SCLT1: variants seen among roughly 807,000 people sequenced by gnomAD.
SCLT1 encodes sodium channel-associated protein 1.
A neutral mutation model predicts 112.8 loss-of-function variants in SCLT1; 78 were observed. The observed-to-expected ratio is 0.69, with a 90% CI of 0.58 to 0.83. The LOEUF (loss-of-function observed/expected upper bound fraction) is 0.83, where lower values mean the gene tolerates loss of function less well. SCLT1 is among the 40% of genes least tolerant of loss of function. The pLI is 0.00. For synonymous variants in SCLT1, 257 were observed against 254.7 expected, an observed-to-expected ratio of 1.01 and a Z score of -0.09; for missense variants, 747 against 770.4, an observed-to-expected ratio of 0.97 and a Z score of 0.36.
chr4:128,970,685 T>C (rs1425245231), intron 9 of SCLT1: 8 of 480,738 alleles, frequency 1.7e-5, no homozygotes, highest in Non-Finnish European at 2.6e-5. Context: ...GGGTATGAAG[T>C]AGAGGTCATG....
At chr4:128,953,080 T>G (rs1738900890) in intron 13 of SCLT1, among the ~76,000 whole-genome samples, 1 of 152,122 alleles carries the variant, frequency 6.6e-6, no homozygotes, top group Admixed American at 6.5e-5. Flanking sequence ...ATAGGATGCT[T>G]TTACCCACAA....
intron 18 of SCLT1, among the ~76,000 whole-genome samples, chr4:128,911,381 A>T (rs1306196453): frequency 6.6e-6 from 1 of 152,246 alleles, no homozygotes; most frequent in African/African-American, 2.4e-5. Flanking sequence ...CTAGTAAAAC[A>T]GCTTCTTCTT....
At chr4:128,912,360 T>C (rs1031363346) in intron 18 of SCLT1, among the ~76,000 whole-genome samples, 3 of 152,194 alleles carry the variant, frequency 2.0e-5, no homozygotes, top group African/African-American at 4.8e-5. Flanking sequence ...TGGATGCTAT[T>C]GTATGTCAAG....
chr4:128,874,544 T>TA (rs974519449), intron 4 of SCLT1: 1 of 151,406 alleles, frequency 6.6e-6, no homozygotes, highest in African/African-American at 2.4e-5. Context: ...CACACAAAAA[T>TA]AAAAAGCCCA....
At chr4:128,935,774 A>G (rs1254010620) in intron 18 of SCLT1, among the ~76,000 whole-genome samples, 1 of 151,966 alleles carries the variant, frequency 6.6e-6, no homozygotes, top group Admixed American at 6.5e-5. Flanking sequence ...TAAACTTTAC[A>G]TTTTGGAACT....
At chr4:128,985,691 G>T (rs1282422669) in intron 9 of SCLT1, among the ~76,000 whole-genome samples, 1 of 152,090 alleles carries the variant, frequency 6.6e-6, no homozygotes, top group Non-Finnish European at 1.5e-5. Context: ...TACAAGTAAA[G>T]AAATCTTTTC....
At chr4:128,965,403 C>T (rs1467679432) in intron 10 of SCLT1, 85 bp from the exon 11 acceptor site, 1 of 826,828 alleles carries the variant, frequency 1.2e-6, no homozygotes, top group Non-Finnish European at 2.0e-6. Context: ...ACAGCTCATG[C>T]TATAAAGTTA....
chr4:128,895,512 C>T (rs1424782106), intron 18 of SCLT1, among the ~76,000 whole-genome samples: 1 of 152,166 alleles, frequency 6.6e-6, no homozygotes, highest in Non-Finnish European at 1.5e-5. Context: ...TCGGATTTCC[C>T]ATTACAATTC....
intron 2 of SCLT1, among the ~76,000 whole-genome samples, chr4:129,071,120 T>G (rs1409178810): frequency 1.3e-5 from 2 of 152,202 alleles, no homozygotes; most frequent in African/African-American, 4.8e-5. Context: ...TCCAGTTTTA[T>G]GCCACTGTGG....
intron 18 of SCLT1, among the ~76,000 whole-genome samples, chr4:128,891,366 T>C (rs1002381014): frequency 3.3e-5 from 5 of 152,206 alleles, no homozygotes; most frequent in African/African-American, 1.2e-4. Context: ...GTAACACTAT[T>C]GGATTGTACA....
intron 17 of SCLT1, among the ~76,000 whole-genome samples, chr4:128,937,431 A>G (rs1737306820): frequency 6.6e-6 from 1 of 152,224 alleles, no homozygotes. Context: ...AATGCCAGTA[A>G]AAGAAAAGTC....
intron 2 of SCLT1, among the ~76,000 whole-genome samples, chr4:129,074,842 T>C (rs1751324894): frequency 6.6e-6 from 1 of 152,132 alleles, no homozygotes; most frequent in African/African-American, 2.4e-5. Context: ...ACCAGAACTA[T>C]AGGCATGCAC....
intron 18 of SCLT1, among the ~76,000 whole-genome samples, chr4:128,921,526 A>C (rs1735881330): frequency 1.3e-5 from 2 of 152,202 alleles, no homozygotes; most frequent in South Asian, 4.1e-4. Flanking sequence ...TTGATCTTTG[A>C]CAAAGTAGAC....
At chr4:128,897,776 C>G (rs1029730381) in intron 18 of SCLT1, among the ~76,000 whole-genome samples, 7 of 152,180 alleles carry the variant, frequency 4.6e-5, no homozygotes, top group African/African-American at 1.7e-4. Context: ...TTCAGGAAAC[C>G]CATCTCACCT....
intron 2 of SCLT1, among the ~76,000 whole-genome samples, chr4:129,067,343 T>C (rs1397628285): frequency 6.6e-6 from 1 of 151,804 alleles, no homozygotes; most frequent in Non-Finnish European, 1.5e-5. Context: ...AATGATATGT[T>C]CACATGGTTC....
At chr4:129,003,193 C>T (rs1330663043) in intron 6 of SCLT1, among the ~76,000 whole-genome samples, 3 of 151,872 alleles carry the variant, frequency 2.0e-5, no homozygotes, top group African/African-American at 7.3e-5. Flanking sequence ...AACAGAAAAC[C>T]AAACACTGCA....
intron 9 of SCLT1, among the ~76,000 whole-genome samples, chr4:128,974,903 T>C (rs1448713002): frequency 6.6e-6 from 1 of 152,086 alleles, no homozygotes; most frequent in Non-Finnish European, 1.5e-5. Flanking sequence ...AAGGATTTTA[T>C]TTTTGCTTCA....
intron 11 of SCLT1, among the ~76,000 whole-genome samples, chr4:128,962,669 C>CAG (rs1460632280): frequency 6.6e-6 from 1 of 152,140 alleles, no homozygotes; most frequent in African/African-American, 2.4e-5. Context: ...TCTCATGACT[C>CAG]CCCTAAGACT....
At chr4:129,028,089 T>C (rs1267952611) in intron 5 of SCLT1, among the ~76,000 whole-genome samples, 1 of 152,112 alleles carries the variant, frequency 6.6e-6, no homozygotes, top group Middle Eastern at 3.2e-3. Flanking sequence ...ATTGTGAAAA[T>C]GGCCAAACTG....
Sources: allele counts gnomAD v4.1 joint callset (sites outside exome capture counted in the v4.1 genomes callset), GRCh38; gene constraint gnomAD v4.1.1; transcripts MANE v1.5; gene names NCBI Gene and HGNC (gene_info 2026-07-23, HGNC 2026-07-21).